The following PLXNA4 variants were observed in gnomAD, a reference collection of about 807,000 sequenced individuals.
PLXNA4 encodes plexin A4.
Under a neutral mutation model 191.8 loss-of-function variants are expected in PLXNA4, and 44 were observed. The observed-to-expected ratio is 0.23, with a 90% CI of 0.18 to 0.29. The LOEUF is 0.29. PLXNA4 is among the 10% of genes least tolerant of loss of function. The pLI, the probability that PLXNA4 is intolerant of heterozygous loss-of-function variation, is 1.00. For missense variants in PLXNA4, 1,800 were observed against 2,488.8 expected, an observed-to-expected ratio of 0.72 and a Z score of 5.89; for synonymous variants, 1,082 against 1,009.5, an observed-to-expected ratio of 1.07 and a Z score of -1.36.
intron 3 of PLXNA4, among the ~76,000 whole-genome samples, chr7:132,362,271 G>A (rs999050101): frequency 4.6e-5 from 7 of 152,230 alleles, no homozygotes; most frequent in African/African-American, 1.7e-4. Context: ...TCCTATTGAT[G>A]TGGTAGAGCT....
chr7:132,231,758 G>C (rs1179049507), intron 5 of PLXNA4, among the ~76,000 whole-genome samples: 2 of 152,146 alleles, frequency 1.3e-5, no homozygotes, highest in African/African-American at 4.8e-5. Context: ...ACTGGCCCTT[G>C]GGGCAAATCA....
intron 3 of PLXNA4, among the ~76,000 whole-genome samples, chr7:132,474,153 A>G (rs73442724): frequency 0.041 from 6,216 of 151,602 alleles, 205 homozygotes; most frequent in African/African-American, 0.083. Flanking sequence ...TTAGCAGTGG[A>G]AGCAAAGAAT....
chr7:132,450,311 G>T (rs1796072651), intron 3 of PLXNA4, among the ~76,000 whole-genome samples: 1 of 152,194 alleles, frequency 6.6e-6, no homozygotes, highest in Non-Finnish European at 1.5e-5. Context: ...TATGAAGGAG[G>T]TATGAAACCT....
intron 4 of PLXNA4, among the ~76,000 whole-genome samples, chr7:132,277,257 A>G (rs1584935791): frequency 1.3e-5 from 2 of 152,184 alleles, no homozygotes; most frequent in Non-Finnish European, 2.9e-5. Context: ...CCAGGCTCCA[A>G]TTGGGAATTT....
At chr7:132,425,429 G>C (rs1214550784) in intron 3 of PLXNA4, among the ~76,000 whole-genome samples, 1 of 152,170 alleles carries the variant, frequency 6.6e-6, no homozygotes, top group Non-Finnish European at 1.5e-5. Context: ...GGAAAGGGGA[G>C]GGGAAGGCTG....
chr7:132,565,655 C>A lies in PLXNA4; in HGVS notation c.-87+10767G>T, dbSNP rs368135797. 6.6e-4 allele frequency among the ~76,000 whole-genome samples: 100 copies of A among 152,258 alleles called. 4 individuals are homozygous for A. The East Asian group carries it at 0.017, about 26-fold the overall frequency. On this transcript the variant is annotated intron_variant, in intron 1 of 31. Coordinates refer to ENST00000321063, the MANE Select transcript of PLXNA4 (RefSeq NM_020911.2). ...CCTTCCGCATGATTCTTTCTGAGGACCAAAGAGAATGCCATGAATAGTCCC... is the reference window on the plus strand; with the variant it reads ...CCTTCCGCATGATTCTTTCTGAGGAACAAAGAGAATGCCATGAATAGTCCC...
At chr7:132,232,365 G>A (rs889292226) in intron 5 of PLXNA4, among the ~76,000 whole-genome samples, 4 of 152,128 alleles carry the variant, frequency 2.6e-5, no homozygotes, top group African/African-American at 9.7e-5. Flanking sequence ...TATACTGTGT[G>A]ACTTGGAGTT....
chr7:132,279,677 G>A (rs1226397180), intron 4 of PLXNA4, among the ~76,000 whole-genome samples: 1 of 151,998 alleles, frequency 6.6e-6, no homozygotes, highest in Non-Finnish European at 1.5e-5. Flanking sequence ...TGGAAGTCAA[G>A]GTCTCACAAG....
chr7:132,469,061 C>A (rs766232671), intron 3 of PLXNA4, among the ~76,000 whole-genome samples: 9 of 132,236 alleles, frequency 6.8e-5, no homozygotes, highest in African/African-American at 1.2e-4. Context: ...CAGACTAACC[C>A]CTACAGAGCT....
At chr7:132,619,220 G>A (rs1417170170) in intron 2 of PLXNA4, among the ~76,000 whole-genome samples, 1 of 152,110 alleles carries the variant, frequency 6.6e-6, no homozygotes, top group Non-Finnish European at 1.5e-5. Flanking sequence ...TTTCCAGATA[G>A]TATCAAGCCT....
upstream of PLXNA4, chr7:132,576,783 G>C (rs558283276): frequency 4.5e-5 from 8 of 176,196 alleles, no homozygotes; most frequent in South Asian, 1.1e-3. This position sits in a 1 kb window ranked among gnomAD's most constrained non-coding sequence, Gnocchi z 5.8. Flanking sequence ...CTGCGGTGGC[G>C]ACGCCGGGCT....
intron 3 of PLXNA4, among the ~76,000 whole-genome samples, chr7:132,333,592 A>G (rs1021639109): frequency 1.3e-5 from 2 of 152,152 alleles, no homozygotes; most frequent in East Asian, 1.9e-4. Context: ...TGCTGGAGGG[A>G]CACGGCCACT....
At chr7:132,556,561 G>A (rs1800812312) in intron 1 of PLXNA4, among the ~76,000 whole-genome samples, 2 of 152,250 alleles carry the variant, frequency 1.3e-5, no homozygotes, top group South Asian at 4.1e-4. Context: ...GCATGGCCAA[G>A]TTGGCATTAA....
At chr7:132,582,313 T>C (rs1802416930) in intron 2 of PLXNA4, among the ~76,000 whole-genome samples, 1 of 152,214 alleles carries the variant, frequency 6.6e-6, no homozygotes, top group Non-Finnish European at 1.5e-5. Context: ...TTGAATGCTC[T>C]TGCCTGGTAA....
At chr7:132,629,191 C>T (rs1803443907) in intron 2 of PLXNA4, among the ~76,000 whole-genome samples, 1 of 152,154 alleles carries the variant, frequency 6.6e-6, no homozygotes, top group African/African-American at 2.4e-5. Context: ...AACCTAACTA[C>T]CAGCATTCCA....
intron 3 of PLXNA4, among the ~76,000 whole-genome samples, chr7:132,423,202 GC>G (rs1408937121): frequency 6.6e-6 from 1 of 152,234 alleles, no homozygotes; most frequent in Non-Finnish European, 1.5e-5. Context: ...CCAGCACTGT[GC>G]TGGGTACTTT....
chr7:132,576,365 G>C lies in PLXNA4; in HGVS notation c.-87+57C>G. ...CTCCCGGGTCGGCCCAGGTCTGTCC[G>C]ACCTTGCTGCCCTCGCCGCCCGCCC... On this transcript the variant is annotated intron_variant, in intron 1 of 31. Transcript: ENST00000321063. The surrounding 1 kb of genome is among the most constrained non-coding windows in gnomAD (Gnocchi z 5.8). 1.0e-6 allele frequency: 1 copy of C among 985,200 alleles called. No homozygotes were observed. The highest frequency in any genetic ancestry group is 1.2e-6 in the Non-Finnish European group (1 of 829,582). 61.0% of individuals were successfully genotyped at this position (985,200 alleles called of 1,614,324 possible). A position where few individuals can be genotyped will look rare whatever the true frequency, so the allele number is the denominator to read the frequency against.
At chr7:132,574,245 G>A (rs1585375379) in intron 1 of PLXNA4, among the ~76,000 whole-genome samples, 2 of 152,288 alleles carry the variant, frequency 1.3e-5, no homozygotes, top group Non-Finnish European at 2.9e-5. Flanking sequence ...AAGGAGTGGA[G>A]GTCTACAGGG....
intron 3 of PLXNA4, among the ~76,000 whole-genome samples, chr7:132,369,461 C>G (rs1804335232): frequency 6.6e-6 from 1 of 152,120 alleles, no homozygotes; most frequent in African/African-American, 2.4e-5. Context: ...CTCAAGAAGC[C>G]TTCCAAGGAG....
Sources: gnomAD v4.1 joint callset for allele counts (sites outside exome capture counted in the v4.1 genomes callset) on GRCh38, gnomAD v4.1.1 for gene constraint, Gnocchi (gnomAD v3.1) non-coding constraint, MANE v1.5 for transcripts, NCBI Gene and HGNC (gene_info 2026-07-23, HGNC 2026-07-21) for gene names.